PCDHGB3: variants seen among roughly 807,000 people sequenced by gnomAD.
PCDHGB3 encodes the protein protocadherin gamma-B3.
In PCDHGB3, 40 loss-of-function variants were observed where a neutral mutation model predicts 59.2. The observed-to-expected ratio is 0.68, with a 90% CI of 0.52 to 0.88. The LOEUF (loss-of-function observed/expected upper bound fraction) is 0.88, where lower values mean the gene tolerates loss of function less well. PCDHGB3 is among the 40% of genes least tolerant of loss of function. The pLI is 0.00. For synonymous variants in PCDHGB3, 581 were observed against 503.6 expected, an observed-to-expected ratio of 1.15 and a Z score of -2.06; for missense variants, 1,309 against 1,187.9, an observed-to-expected ratio of 1.10 and a Z score of -1.50.
chr5:141,415,487 A>C, intron 1 of PCDHGB3: 1 of 1,614,170 alleles, frequency 6.2e-7, no homozygotes, highest in Non-Finnish European at 8.5e-7. Context: ...CGAAAGAGTC[A>C]CCTGATCTTC....
chr5:141,485,609 G>T lies in PCDHGB3; in HGVS notation c.2416-9198G>T. On this transcript the variant is annotated intron_variant, in intron 1 of 3. Coordinates refer to ENST00000576222, the MANE Select transcript of PCDHGB3 (RefSeq NM_018924.5). The surrounding 1 kb of genome is among the most constrained non-coding windows in gnomAD (Gnocchi z 5.7). ...GCTGGACTTGGAAATTGGGGAGGCA[G>T]CTCCTCCAGGACAGCGTTTCCCGTT... The T allele has an allele frequency of 6.2e-7, 1 of 1,612,256 alleles. No homozygotes were observed. Among genetic ancestry groups the T allele is most frequent in the Non-Finnish European group, 8.5e-7 (1 of 1,178,656 alleles).
chr5:141,423,513 G>A, intron 1 of PCDHGB3: 2 of 1,613,750 alleles, frequency 1.2e-6, no homozygotes. Context: ...CTCTCATTGC[G>A]GACTCGCAGA....
intron 1 of PCDHGB3, among the ~76,000 whole-genome samples, chr5:141,465,966 C>T (rs904439039): frequency 5.3e-5 from 8 of 151,802 alleles, no homozygotes; most frequent in Non-Finnish European, 1.0e-4. Context: ...ACTAAAAATA[C>T]AAAAAATTAG....
intron 1 of PCDHGB3, among the ~76,000 whole-genome samples, chr5:141,482,161 G>A (rs2099554171): frequency 6.6e-6 from 1 of 152,008 alleles, no homozygotes; most frequent in Non-Finnish European, 1.5e-5. Context: ...TCAAAGATAT[G>A]TAAGATTAAG....
chr5:141,415,499 C>G (rs2095876120), intron 1 of PCDHGB3: 1 of 1,614,098 alleles, frequency 6.2e-7, no homozygotes, highest in Non-Finnish European at 8.5e-7. Context: ...CTGATCTTCC[C>G]CCAGCCCAAT....
At chr5:141,426,955 C>T (rs1380917458) in intron 1 of PCDHGB3, 3 of 456,658 alleles carry the variant, frequency 6.6e-6, no homozygotes, top group South Asian at 1.5e-5. Flanking sequence ...ACTGGCACTG[C>T]TGCAATTCAA....
chr5:141,476,367 G>C lies in PCDHGB3; in HGVS notation c.2416-18440G>C, dbSNP rs754652710. ...TTCTTTGAGGTGAACCGGGAGACCG[G>C]AGAGATGTTTGTGAACGACCGTCTG... On this transcript the variant is annotated intron_variant, in intron 1 of 3. Transcript: ENST00000576222. This position sits in a 1 kb window ranked among gnomAD's most constrained non-coding sequence, Gnocchi z 7.6. 6.2e-7 allele frequency: 1 copy of C among 1,614,172 alleles called. No homozygotes were observed. Among genetic ancestry groups the C allele is most frequent in the Non-Finnish European group, 8.5e-7 (1 of 1,180,036 alleles).
chr5:141,509,179 C>T (rs895281717), intron 3 of PCDHGB3, among the ~76,000 whole-genome samples: 1 of 152,172 alleles, frequency 6.6e-6, no homozygotes, highest in African/African-American at 2.4e-5. Flanking sequence ...TCCTCTTATG[C>T]CGGCTTGAAA....
chr5:141,413,013 C>A, intron 1 of PCDHGB3: 2 of 661,008 alleles, frequency 3.0e-6, no homozygotes, highest in Admixed American at 6.8e-5. Context: ...GCTTCAACTA[C>A]ACAAGCCCCA....
intron 1 of PCDHGB3, chr5:141,399,287 C>A: frequency 6.2e-7 from 1 of 1,613,912 alleles, no homozygotes; most frequent in Non-Finnish European, 8.5e-7. Context: ...GGCGAAGTCC[C>A]TTTTAAGATT....
Position 141,511,606 on chromosome 5 carries a change from G to A in PCDHGB3, c.*433G>A, listed in dbSNP as rs1160129762. The stretch of plus-strand genomic sequence containing the variant: ...TGTTGAAGTACCAAGTAACCTACAA[G>A]CCTCCTAGTTCTGAAAAGTTGGAAG... On this transcript the variant is annotated 3_prime_UTR_variant, in exon 4 of 4. Transcript: ENST00000576222. 2 of 248,594 alleles carry A rather than the reference G, an allele frequency of 8.0e-6. No individual in the cohort carries two copies. Among genetic ancestry groups the A allele is most frequent in the Non-Finnish European group, 1.6e-5 (2 of 123,946 alleles). 15.4% of individuals were successfully genotyped at this position (248,594 alleles called of 1,614,324 possible). A position where few individuals can be genotyped will look rare whatever the true frequency, so the allele number is the denominator to read the frequency against.
At chr5:141,472,256 T>C (rs2099275290) in intron 1 of PCDHGB3, among the ~76,000 whole-genome samples, 1 of 152,176 alleles carries the variant, frequency 6.6e-6, no homozygotes, top group South Asian at 2.1e-4. Flanking sequence ...TAAAGTTATA[T>C]TATAGCCGGG....
rs759095332 is a variant in PCDHGB3, at chr5:141,432,306, C to T, written c.2415+59497C>T. 1 of 1,614,250 alleles carries T rather than the reference C, an allele frequency of 6.2e-7. No homozygotes were observed. On this transcript the variant is annotated intron_variant, in intron 1 of 3. Coordinates refer to ENST00000576222, the MANE Select transcript of PCDHGB3 (RefSeq NM_018924.5). This position sits in a 1 kb window ranked among gnomAD's most constrained non-coding sequence, Gnocchi z 6.0. ...AACTCCGACACTGGGGTACTGTATG[C>T]GCTGAGCTCCTTCGACTACGAGCAG...
chr5:141,478,106 G>A (rs1474192496), intron 1 of PCDHGB3: 1 of 1,613,928 alleles, frequency 6.2e-7, no homozygotes, highest in Non-Finnish European at 8.5e-7. Context: ...TACCCTCACT[G>A]TGTCAGTAAC....
chr5:141,375,181 C>T (rs868598149), intron 1 of PCDHGB3: 1 of 1,613,954 alleles, frequency 6.2e-7, no homozygotes, highest in Non-Finnish European at 8.5e-7. Flanking sequence ...GAACAGTAAT[C>T]GCCCTTTTTC....
chr5:141,382,263 T>C (rs1447947679), intron 1 of PCDHGB3, among the ~76,000 whole-genome samples: 1 of 152,242 alleles, frequency 6.6e-6, no homozygotes, highest in Non-Finnish European at 1.5e-5. Flanking sequence ...TCATGGTGTC[T>C]AGAACATATG....
At chr5:141,427,411 A>C (rs1256606726) in intron 1 of PCDHGB3, 2 of 464,124 alleles carry the variant, frequency 4.3e-6, no homozygotes, top group Admixed American at 2.3e-5. Flanking sequence ...GATTCGAGAG[A>C]AAATGGGGAG....
intron 1 of PCDHGB3, chr5:141,410,354 T>C (rs2095384532): frequency 3.7e-6 from 6 of 1,614,048 alleles, no homozygotes; most frequent in Non-Finnish European, 5.1e-6. Context: ...CCTGCGACGC[T>C]CTCTCAGCCC....
At chr5:141,427,191 G>A (rs749528616) in intron 1 of PCDHGB3, 1 of 456,716 alleles carries the variant, frequency 2.2e-6, no homozygotes, top group South Asian at 1.5e-5. Flanking sequence ...TAAATCCAAA[G>A]ACTTAATAGA....
Sources: gnomAD v4.1 joint callset for allele counts (sites outside exome capture counted in the v4.1 genomes callset) on GRCh38, gnomAD v4.1.1 for gene constraint, Gnocchi (gnomAD v3.1) non-coding constraint, MANE v1.5 for transcripts, NCBI Gene and HGNC (gene_info 2026-07-23, HGNC 2026-07-21) for gene names.